The following FYN variants were observed in gnomAD, a reference collection of about 807,000 sequenced individuals.
FYN encodes the protein tyrosine-protein kinase Fyn.
Under a neutral mutation model 70.2 loss-of-function variants are expected in FYN, and 10 were observed. That is an observed-to-expected ratio of 0.14 (90% CI 0.09 to 0.24). The LOEUF (loss-of-function observed/expected upper bound fraction) is 0.24, where lower values mean the gene tolerates loss of function less well. Ranked by LOEUF, FYN falls within the 10% of genes least tolerant of loss-of-function variation. The pLI, the probability that FYN is intolerant of heterozygous loss-of-function variation, is 1.00. For synonymous variants in FYN, 236 were observed against 248.6 expected (o/e 0.95, Z 0.48); for missense variants, 319 against 673.1 (o/e 0.47, Z 5.82).
chr6:111,735,659 G>C (rs956557817), intron 3 of FYN, among the ~76,000 whole-genome samples: 5 of 152,144 alleles, frequency 3.3e-5, no homozygotes, highest in African/African-American at 1.2e-4. Context: ...AGCATGGGGG[G>C]GTGCCAGATC....
chr6:111,710,209 T>C (rs1034690753), intron 5 of FYN, among the ~76,000 whole-genome samples: 1 of 152,192 alleles, frequency 6.6e-6, no homozygotes, highest in Non-Finnish European at 1.5e-5. Flanking sequence ...TAATGCAAGA[T>C]AACCTTCATC....
chr6:111,776,276 G>A (rs1473547688), intron 3 of FYN, among the ~76,000 whole-genome samples: 1 of 152,126 alleles, frequency 6.6e-6, no homozygotes, highest in Admixed American at 6.5e-5. Context: ...GTGGAGCAGG[G>A]GCAGTGCTGG....
chr6:111,714,315 T>C, intron 5 of FYN, 32 bp downstream of exon 5: 1 of 1,433,064 alleles, frequency 7.0e-7, no homozygotes, highest in East Asian at 2.3e-5. Flanking sequence ...ACCTGAAAGG[T>C]ATACATGCTT....
At chr6:111,820,828 A>G (rs1772634091) in intron 2 of FYN, among the ~76,000 whole-genome samples, 1 of 152,174 alleles carries the variant, frequency 6.6e-6, no homozygotes, top group Non-Finnish European at 1.5e-5. Flanking sequence ...GTAGATCATA[A>G]AACAGGTAAG....
intron 2 of FYN, among the ~76,000 whole-genome samples, chr6:111,828,240 T>C (rs990378171): frequency 1.3e-5 from 2 of 152,130 alleles, no homozygotes; most frequent in East Asian, 3.8e-4. Context: ...CCCCAAAGTG[T>C]TTTCTGAAAA....
intron 2 of FYN, among the ~76,000 whole-genome samples, chr6:111,831,310 G>C (rs1773010221): frequency 6.6e-6 from 1 of 152,110 alleles, no homozygotes; most frequent in African/African-American, 2.4e-5. Flanking sequence ...CTATCATCTT[G>C]TTAAAATTAA....
intron 1 of FYN, among the ~76,000 whole-genome samples, chr6:111,862,124 C>T (rs1371869094): frequency 2.0e-5 from 3 of 152,110 alleles, no homozygotes; most frequent in Non-Finnish European, 4.4e-5. Flanking sequence ...TGTTCTCTCG[C>T]CCATCATTTA....
chr6:111,704,494 C>G (rs986894293), intron 6 of FYN, among the ~76,000 whole-genome samples: 1 of 152,210 alleles, frequency 6.6e-6, no homozygotes, highest in Non-Finnish European at 1.5e-5. Context: ...TGGCTCATAC[C>G]TGTAATCCCA....
At chr6:111,670,511 G>A (rs1029018420) in intron 13 of FYN, among the ~76,000 whole-genome samples, 2 of 152,164 alleles carry the variant, frequency 1.3e-5, no homozygotes, top group African/African-American at 4.8e-5. Context: ...GTCTATGAGG[G>A]CAGCAGCATT....
intron 1 of FYN, among the ~76,000 whole-genome samples, chr6:111,862,080 C>G (rs1773979798): frequency 6.6e-6 from 1 of 152,186 alleles, no homozygotes; most frequent in African/African-American, 2.4e-5. Context: ...ATAATACTTT[C>G]AGGCCCAACA....
intron 2 of FYN, among the ~76,000 whole-genome samples, chr6:111,836,099 C>T (rs985539673): frequency 7.2e-5 from 11 of 152,074 alleles, no homozygotes; most frequent in Non-Finnish European, 1.6e-4. Context: ...CTCTGAAATG[C>T]CAGGTGAGTG....
chr6:111,846,411 G>GT lies in FYN; in HGVS notation c.-82+177dup, dbSNP rs767946820. 2.6e-5 allele frequency among the ~76,000 whole-genome samples: 4 copies of GT among 152,152 alleles called. No homozygotes were observed. The East Asian group carries it at 7.7e-4, about 29-fold the overall frequency. On this transcript the variant is annotated intron_variant, in intron 2 of 13. Transcript: ENST00000354650. ...GAAAATAGTGGGTCCACCAAAGGAG[G>GT]TAAGGTTTTCTTTCTATTTCACAAA...
chr6:111,772,222 A>G lies in FYN; in HGVS notation c.-12+8344T>C, dbSNP rs897404042. 3.9e-5 allele frequency among the ~76,000 whole-genome samples: 6 copies of G among 152,222 alleles called. No homozygotes were observed. The South Asian group carries it at 6.2e-4, about 16-fold the overall frequency. Reference sequence around the variant, plus strand: ...AAATGTTTAGCCTAATCACAGCAAAATCCAGGTGACCATCAAGGAAATGGC... The same window carrying G: ...AAATGTTTAGCCTAATCACAGCAAAGTCCAGGTGACCATCAAGGAAATGGC... On this transcript the variant is annotated intron_variant, in intron 3 of 13. Coordinates refer to ENST00000354650, the MANE Select transcript of FYN (RefSeq NM_002037.5).
intron 3 of FYN, among the ~76,000 whole-genome samples, chr6:111,732,351 C>T (rs149585760): frequency 2.6e-5 from 4 of 152,346 alleles, no homozygotes; most frequent in Non-Finnish European, 4.4e-5. Context: ...AAAAATGGCA[C>T]AGCAGTTAAT....
chr6:111,739,208 C>T (rs1442500597), intron 3 of FYN, among the ~76,000 whole-genome samples: 3 of 152,208 alleles, frequency 2.0e-5, no homozygotes. Context: ...CCTGTCCTGC[C>T]CTTCGGCACC....
intron 1 of FYN, among the ~76,000 whole-genome samples, chr6:111,868,780 C>A (rs1315316603): frequency 6.6e-6 from 1 of 152,180 alleles, no homozygotes; most frequent in Non-Finnish European, 1.5e-5. Context: ...TAACAAGCTA[C>A]TAAAGTTTGC....
At chr6:111,788,715 T>C (rs1048337084) in intron 2 of FYN, among the ~76,000 whole-genome samples, 3 of 152,172 alleles carry the variant, frequency 2.0e-5, no homozygotes, top group East Asian at 1.9e-4. Context: ...TCTGAAAAAT[T>C]AGAGTTCCAA....
intron 3 of FYN, among the ~76,000 whole-genome samples, chr6:111,756,406 G>GA (rs958227915): frequency 7.3e-6 from 1 of 136,494 alleles, no homozygotes; most frequent in African/African-American, 2.9e-5. Flanking sequence ...TGGTTTTAGA[G>GA]AAAAAAAAGT....
intron 3 of FYN, among the ~76,000 whole-genome samples, chr6:111,723,233 A>T (rs562527253): frequency 2.6e-5 from 4 of 152,332 alleles, no homozygotes; most frequent in African/African-American, 9.6e-5. Flanking sequence ...CTTATCTATA[A>T]TTTTATGAAG....
Sources: allele counts gnomAD v4.1 joint callset (sites outside exome capture counted in the v4.1 genomes callset), GRCh38; gene constraint gnomAD v4.1.1; transcripts MANE v1.5; gene names NCBI Gene and HGNC (gene_info 2026-07-23, HGNC 2026-07-21).